CUBN: variants seen among roughly 807,000 people sequenced by gnomAD.
CUBN encodes the protein cubilin, also known as 460 kDa receptor.
A neutral mutation model predicts 405.3 loss-of-function variants in CUBN; 282 were observed. The observed-to-expected ratio is 0.70, with a 90% CI of 0.63 to 0.77. CUBN has a LOEUF of 0.77. CUBN is among the 30% of genes least tolerant of loss of function. The pLI is 0.00. For synonymous variants in CUBN, 1,684 were observed against 1,617.0 expected, an observed-to-expected ratio of 1.04 and a Z score of -0.99; for missense variants, 4,514 against 4,475.2, an observed-to-expected ratio of 1.01 and a Z score of -0.25.
At chr10:16,952,234 T>A (rs1182488721) in intron 33 of CUBN, 42 bp downstream of exon 33, 2 of 1,423,828 alleles carry the variant, frequency 1.4e-6, no homozygotes, top group East Asian at 4.6e-5. Flanking sequence ...CACAGACACC[T>A]TCTCTCCTGT....
chr10:16,952,344 G>A lies in CUBN; in HGVS notation c.4901C>T (p.Ser1634Phe), dbSNP rs1277663338. The stretch of plus-strand genomic sequence containing the variant: ...TGGATAATTGGCAGGGAACCGTGGA[G>A]AGGAAACAGTATCAAATGAGCTGGT... ...ILTSSFDTVS[S>F]PRFPANYPNN... Residue 1634 changes from serine to phenylalanine, a missense_variant, in exon 33 of 67, where the codon TCT (serine) becomes TTT (phenylalanine). Physicochemically the swap from Ser to Phe is radical, Grantham distance 155. Coordinates refer to ENST00000377833, the MANE Select transcript of CUBN (RefSeq NM_001081.4). 6.2e-7 allele frequency: 1 copy of A among 1,614,022 alleles called. No individual in the cohort carries two copies.
chr10:16,941,678 T>C (rs997611608), intron 36 of CUBN, among the ~76,000 whole-genome samples: 12 of 145,800 alleles, frequency 8.2e-5, no homozygotes, highest in African/African-American at 3.3e-4. Context: ...ACCCCCTCTC[T>C]ACAAAAAATA....
intron 56 of CUBN, among the ~76,000 whole-genome samples, chr10:16,888,051 ATGG>A (rs1250582793): frequency 2.6e-5 from 4 of 152,202 alleles, no homozygotes; most frequent in African/African-American, 9.7e-5. Context: ...AGAGAGTAGA[ATGG>A]TGGTTACCAG....
chr10:16,875,797 T>A (rs1344858937), intron 57 of CUBN, among the ~76,000 whole-genome samples: 2 of 152,234 alleles, frequency 1.3e-5, no homozygotes, highest in Admixed American at 1.3e-4. Flanking sequence ...GACTACTTCC[T>A]TGTAGGAAAA....
chr10:16,835,626 TGGTAAAAA>T (rs1839146089), intron 63 of CUBN, among the ~76,000 whole-genome samples: 1 of 151,700 alleles, frequency 6.6e-6, no homozygotes, highest in Non-Finnish European at 1.5e-5. Context: ...TTTTTTTTTT[TGGTAAAAA>T]AATACCAAAA....
At chr10:17,123,390 A>G (rs1214404211) in intron 5 of CUBN, 198 bp downstream of exon 5, 3 of 619,904 alleles carry the variant, frequency 4.8e-6, no homozygotes, top group Non-Finnish European at 8.8e-6. Context: ...TCTCCTTTCA[A>G]TGGCTTTAGT....
chr10:16,901,260 A>G, intron 52 of CUBN, 78 bp downstream of exon 52: 5 of 1,595,174 alleles, frequency 3.1e-6, no homozygotes, highest in Non-Finnish European at 4.3e-6. Context: ...GCTTAATAAA[A>G]GAGCTCCATT....
intron 4 of CUBN, among the ~76,000 whole-genome samples, chr10:17,123,940 G>A (rs767122188): frequency 9.2e-5 from 14 of 152,150 alleles, no homozygotes; most frequent in Non-Finnish European, 1.8e-4. Context: ...TGAAGTCTGA[G>A]GGGAGAAGAT....
intron 65 of CUBN, among the ~76,000 whole-genome samples, chr10:16,830,475 G>A (rs966178359): frequency 2.0e-5 from 3 of 152,046 alleles, no homozygotes; most frequent in African/African-American, 4.8e-5. Context: ...TTCTTTAGTT[G>A]TTTGATAAAC....
chr10:17,123,115 C>T (rs1266709172), intron 5 of CUBN, among the ~76,000 whole-genome samples: 1 of 152,174 alleles, frequency 6.6e-6, no homozygotes, highest in Non-Finnish European at 1.5e-5. Flanking sequence ...TCACAGCAGT[C>T]ACAGGAGAGG....
intron 59 of CUBN, among the ~76,000 whole-genome samples, chr10:16,866,861 C>G (rs1856108977): frequency 6.6e-6 from 1 of 152,182 alleles, no homozygotes; most frequent in Non-Finnish European, 1.5e-5. Flanking sequence ...AAAAAGGAGA[C>G]CCAATTTCAC....
At chr10:16,856,899 T>C (rs925817995) in intron 59 of CUBN, among the ~76,000 whole-genome samples, 5 of 152,158 alleles carry the variant, frequency 3.3e-5, no homozygotes, top group East Asian at 3.9e-4. Flanking sequence ...CTTAGGGAAA[T>C]TCGAGCACAC....
At position 17,128,069 on chromosome 10, in the gene CUBN, A is replaced by C. The variant is rs1837241686; in HGVS notation, c.253-145T>G. 6.7e-6 allele frequency: 4 copies of C among 594,094 alleles called. No individual in the cohort carries two copies. In the East Asian group the frequency reaches 8.6e-5, roughly 13 times the overall value. The allele number at this position is 594,094 out of a possible 1,614,324, so 36.8% of individuals were successfully genotyped here. ...TTATTATAAAAACCAAAACAACACC[A>C]TGCGTAATAAACACTGGGCTAAAAT... On this transcript the variant is annotated intron_variant, in intron 2 of 66. Transcript: ENST00000377833.
At chr10:16,914,024 A>G (rs752151550) in intron 47 of CUBN, 32 bp from the exon 48 acceptor site, 10 of 1,609,650 alleles carry the variant, frequency 6.2e-6, no homozygotes, top group Non-Finnish European at 7.6e-6. Flanking sequence ...GAAAACTTTC[A>G]ATCAAATCAA....
At chr10:16,909,194 T>A (rs1296644226) in intron 48 of CUBN, among the ~76,000 whole-genome samples, 1 of 152,178 alleles carries the variant, frequency 6.6e-6, no homozygotes, top group African/African-American at 2.4e-5. Context: ...CAAGATGTCA[T>A]CTCTTTAAAT....
intron 22 of CUBN, among the ~76,000 whole-genome samples, chr10:17,052,594 TA>T (rs112713293): frequency 6.7e-6 from 1 of 150,076 alleles, no homozygotes; most frequent in Non-Finnish European, 1.5e-5. Context: ...CTGTCTCTAC[TA>T]AAAAAAATAC....
intron 17 of CUBN, among the ~76,000 whole-genome samples, chr10:17,074,221 C>A (rs1835802633): frequency 6.6e-6 from 1 of 152,190 alleles, no homozygotes; most frequent in Non-Finnish European, 1.5e-5. Context: ...AGTATGATGA[C>A]TGCGGTTTTT....
chr10:16,941,994 G>C lies in CUBN; in HGVS notation c.5343-1757C>G, dbSNP rs141330836. Among the ~76,000 whole-genome samples the C allele has an allele frequency of 1.2e-3, 188 of 152,236 alleles. No homozygotes were observed. The Middle Eastern group carries it at 0.017, about 14-fold the overall frequency. On this transcript the variant is annotated intron_variant, in intron 36 of 66. Coordinates refer to ENST00000377833, the MANE Select transcript of CUBN (RefSeq NM_001081.4). ...TAATGAAAAAACAACCAAATTAAAA[G>C]TGGACAAAGGGCTTGAACAGATATT... is the stretch of plus-strand genomic sequence containing the variant.
chr10:17,075,446 C>A (rs1216470784), intron 17 of CUBN, among the ~76,000 whole-genome samples: 1 of 152,042 alleles, frequency 6.6e-6, no homozygotes, highest in Non-Finnish European at 1.5e-5. Context: ...GACAGTTACT[C>A]TCATCCATAA....
Sources: allele counts gnomAD v4.1 joint callset (sites outside exome capture counted in the v4.1 genomes callset), GRCh38; gene constraint gnomAD v4.1.1; transcripts MANE v1.5; gene names NCBI Gene and HGNC (gene_info 2026-07-23, HGNC 2026-07-21).